TMEM178B: variants seen among roughly 807,000 people sequenced by gnomAD.
TMEM178B encodes transmembrane protein 178B.
In TMEM178B, 5 loss-of-function variants were observed where a neutral mutation model predicts 31.0. That is an observed-to-expected ratio of 0.16 (90% confidence interval 0.08 to 0.34). The LOEUF (loss-of-function observed/expected upper bound fraction) is 0.34, where lower values mean the gene tolerates loss of function less well. Among genes scored for constraint, TMEM178B ranks in the 10% least tolerant of loss-of-function variants. The probability of loss-of-function intolerance (pLI) is 1.00; values close to 1 mark genes in which losing one functional copy is unlikely to be tolerated. For missense variants in TMEM178B, 275 were observed against 400.3 expected (o/e 0.69, Z 2.67); for synonymous variants, 164 against 164.0 (o/e 1.00, Z 0.00).
intron 1 of TMEM178B, among the ~76,000 whole-genome samples, chr7:141,148,554 T>C (rs530884765): frequency 6.6e-6 from 1 of 152,284 alleles, no homozygotes; most frequent in Admixed American, 6.5e-5. Context: ...GAGGGAGTGA[T>C]TGTTCCTGTC....
chr7:141,476,530 A>G lies in TMEM178B; in HGVS notation c.*5744A>G, dbSNP rs532693098. The G allele has an allele frequency of 1.3e-5, 2 of 152,292 alleles. No individual in the cohort carries two copies. The highest frequency in any genetic ancestry group is 2.4e-5 in the African/African-American group (1 of 41,564). The allele number at this position is 152,292 out of a possible 1,614,324, so 9.4% of individuals were successfully genotyped here. ...GCAAATCAGATTCTGAAAGGTTTCA[A>G]TGATCTTTCAAGTTTAGGATGAGAC... On this transcript the variant is annotated 3_prime_UTR_variant, in exon 4 of 4. Transcript: ENST00000565468.
At chr7:141,210,361 G>A (rs904800619) in intron 1 of TMEM178B, among the ~76,000 whole-genome samples, 4 of 152,186 alleles carry the variant, frequency 2.6e-5, no homozygotes, top group African/African-American at 9.6e-5. Context: ...CTACTTGGGG[G>A]CTGAGGCAGG....
At chr7:141,142,924 G>A (rs187858789) in intron 1 of TMEM178B, among the ~76,000 whole-genome samples, 1 of 152,190 alleles carries the variant, frequency 6.6e-6, no homozygotes, top group Non-Finnish European at 1.5e-5. Context: ...TCTGAGTGGT[G>A]TGAGATAGCA....
At chr7:141,324,458 A>G (rs1799155991) in intron 2 of TMEM178B, among the ~76,000 whole-genome samples, 7 of 88,588 alleles carry the variant, frequency 7.9e-5, no homozygotes, top group South Asian at 4.0e-4. Context: ...TTTTTTCCTG[A>G]GCGATTGAAA....
the TMEM178B span, among the ~76,000 whole-genome samples, chr7:141,487,522 T>G: frequency 7.2e-5 from 11 of 151,886 alleles, no homozygotes; most frequent in South Asian, 1.9e-3. Context: ...GGCAGATCAC[T>G]TGAGGTCAGG....
chr7:141,505,014 C>T, the TMEM178B span, among the ~76,000 whole-genome samples: 2 of 152,260 alleles, frequency 1.3e-5, no homozygotes, highest in African/African-American at 2.4e-5. Flanking sequence ...TCTAGATATT[C>T]CTATTTCCTT....
At chr7:141,163,433 A>C (rs1160427260) in intron 1 of TMEM178B, among the ~76,000 whole-genome samples, 1 of 152,232 alleles carries the variant, frequency 6.6e-6, no homozygotes, top group Non-Finnish European at 1.5e-5. Context: ...GTGATGTTTC[A>C]TAGCAAAGAG....
chr7:141,085,451 T>C (rs1403421712), intron 1 of TMEM178B, among the ~76,000 whole-genome samples: 1 of 152,154 alleles, frequency 6.6e-6, no homozygotes, highest in East Asian at 1.9e-4. Flanking sequence ...GAGACTGCAG[T>C]ATCTGAATTA....
At position 141,379,304 on chromosome 7, in the gene TMEM178B, TA is replaced by T. The variant is rs571004013; in HGVS notation, c.497-58288del. The stretch of plus-strand genomic sequence containing the variant: ...CATCATAGTGAGACCCCTGTTTTTC[TA>T]AAAAAAAAAAAAAAATTAAAATGTA... On this transcript the variant is annotated intron_variant, in intron 2 of 3. Transcript: ENST00000565468. 5.4e-3 allele frequency among the ~76,000 whole-genome samples: 688 copies of T among 128,270 alleles called. 1 individual carries two copies. Among genetic ancestry groups the T allele is most frequent in the South Asian group, 0.014 (58 of 4,106 alleles). 84.2% of individuals were successfully genotyped at this position (128,270 alleles called of 152,430 possible).
intron 2 of TMEM178B, among the ~76,000 whole-genome samples, chr7:141,309,682 C>A (rs1441719190): frequency 2.0e-5 from 3 of 152,054 alleles, no homozygotes; most frequent in Admixed American, 6.6e-5. Flanking sequence ...ATTACCTATC[C>A]GTGTCTTGTC....
intron 2 of TMEM178B, among the ~76,000 whole-genome samples, chr7:141,356,944 T>G (rs1237661104): frequency 6.6e-6 from 1 of 152,104 alleles, no homozygotes; most frequent in Non-Finnish European, 1.5e-5. Flanking sequence ...ACAGACCCCT[T>G]AAGCTGGGGT....
chr7:141,324,758 G>A (rs550089687), intron 2 of TMEM178B, among the ~76,000 whole-genome samples: 6 of 152,074 alleles, frequency 3.9e-5, no homozygotes, highest in Admixed American at 1.3e-4. Flanking sequence ...GTGTGTGCAC[G>A]CACACATTTG....
intron 1 of TMEM178B, among the ~76,000 whole-genome samples, chr7:141,128,348 A>G (rs541771628): frequency 2.0e-5 from 3 of 152,104 alleles, no homozygotes; most frequent in Non-Finnish European, 4.4e-5. Context: ...ATTCTCTCCA[A>G]AAGTTGAATA....
At chr7:141,315,914 AAC>A (rs1262673426) in intron 2 of TMEM178B, among the ~76,000 whole-genome samples, 1 of 152,212 alleles carries the variant, frequency 6.6e-6, no homozygotes, top group African/African-American at 2.4e-5. Flanking sequence ...AGTATGTAAA[AAC>A]ACAGTTTTAC....
intron 3 of TMEM178B, among the ~76,000 whole-genome samples, chr7:141,456,709 C>A (rs1317948193): frequency 6.6e-6 from 1 of 152,198 alleles, no homozygotes; most frequent in Non-Finnish European, 1.5e-5. Flanking sequence ...TTTCCCTCTG[C>A]CCTACAGATT....
chr7:141,436,865 G>A (rs997884051), intron 2 of TMEM178B, among the ~76,000 whole-genome samples: 2 of 152,176 alleles, frequency 1.3e-5, no homozygotes, highest in African/African-American at 4.8e-5. Flanking sequence ...GTGGAACAGA[G>A]AAGGGCCTGA....
At chr7:141,272,844 G>A (rs1168616657) in intron 2 of TMEM178B, among the ~76,000 whole-genome samples, 2 of 152,174 alleles carry the variant, frequency 1.3e-5, no homozygotes, top group African/African-American at 2.4e-5. Context: ...TAGACCTACC[G>A]TTCTATCTAG....
intron 2 of TMEM178B, among the ~76,000 whole-genome samples, chr7:141,268,383 T>G (rs1216933883): frequency 6.6e-6 from 1 of 152,246 alleles, no homozygotes; most frequent in Non-Finnish European, 1.5e-5. Flanking sequence ...ATGGATAACT[T>G]GTTTTAAGAA....
At chr7:141,428,576 T>C (rs1439400336) in intron 2 of TMEM178B, among the ~76,000 whole-genome samples, 2 of 152,220 alleles carry the variant, frequency 1.3e-5, no homozygotes, top group African/African-American at 4.8e-5. Context: ...ATGGAGGATG[T>C]GCACAACTTT....
Sources: allele counts gnomAD v4.1 joint callset (sites outside exome capture counted in the v4.1 genomes callset), GRCh38; gene constraint gnomAD v4.1.1; transcripts MANE v1.5; gene names NCBI Gene and HGNC (gene_info 2026-07-23, HGNC 2026-07-21).